Variants in TNFRSF10B observed in about 807,000 individuals in gnomAD.
TNFRSF10B encodes the protein tumor necrosis factor receptor superfamily member 10B.
In TNFRSF10B, 35 loss-of-function variants were observed where a neutral mutation model predicts 41.4. The ratio of observed to expected loss-of-function variants is 0.85; its 90% confidence interval spans 0.65 to 1.12. TNFRSF10B has a LOEUF of 1.12. TNFRSF10B is among the 50% of genes most tolerant of loss of function. TNFRSF10B has a pLI of 0.00. For missense variants in TNFRSF10B, 584 were observed against 552.7 expected (o/e 1.06, Z -0.57); for synonymous variants, 230 against 215.5 (o/e 1.07, Z -0.59).
intron 2 of TNFRSF10B, among the ~76,000 whole-genome samples, chr8:23,041,421 C>T (rs1003161615): frequency 1.3e-4 from 19 of 151,994 alleles, no homozygotes; most frequent in Admixed American, 1.1e-3. Flanking sequence ...AATCCCAACA[C>T]TTTGGAAGGC....
At chr8:23,046,699 C>T (rs1048214366) in intron 1 of TNFRSF10B, among the ~76,000 whole-genome samples, 12 of 149,596 alleles carry the variant, frequency 8.0e-5, no homozygotes, top group African/African-American at 2.9e-4. Context: ...TACCTGATTT[C>T]AAACTATACT....
intron 2 of TNFRSF10B, among the ~76,000 whole-genome samples, chr8:23,041,064 GT>G (rs1178967845): frequency 6.3e-4 from 7 of 11,070 alleles, no homozygotes; most frequent in Non-Finnish European, 8.4e-4. Flanking sequence ...TTTTTTTGTT[GT>G]TTTTTTTTTT....
chr8:23,064,083 C>T (rs1267325247), intron 1 of TNFRSF10B, among the ~76,000 whole-genome samples: 2 of 152,260 alleles, frequency 1.3e-5, no homozygotes, highest in Non-Finnish European at 2.9e-5. Flanking sequence ...ACGGCCCTTC[C>T]TTTCCTTAGC....
chr8:23,041,824 C>T (rs1318895623), intron 2 of TNFRSF10B, among the ~76,000 whole-genome samples: 1 of 152,110 alleles, frequency 6.6e-6, no homozygotes, highest in Non-Finnish European at 1.5e-5. Flanking sequence ...GGAAGTTCTC[C>T]AACTGCTCCT....
At position 23,020,449 on chromosome 8, in the gene TNFRSF10B, A is replaced by G. The variant is rs1400238447; in HGVS notation, c.*2222T>C. ...GGTGGCTCACGCCTGTAATCCCAGC[A>G]CTTTCGGAGGCCAAGGTGGATCACC... On this transcript the variant is annotated 3_prime_UTR_variant, in exon 9 of 9. Transcript: ENST00000276431. The G allele has an allele frequency of 2.2e-6, 1 of 454,004 alleles. No homozygotes were observed. The highest frequency in any genetic ancestry group is 4.4e-6 in the Non-Finnish European group (1 of 226,798). The allele number at this position is 454,004 out of a possible 1,614,324, so 28.1% of individuals were successfully genotyped here.
In TNFRSF10B at chr8:23,021,340, A is replaced by G. The variant is rs75721284; in HGVS notation, c.*1331T>C. On this transcript the variant is annotated 3_prime_UTR_variant, in exon 9 of 9. Coordinates refer to ENST00000276431, the MANE Select transcript of TNFRSF10B (RefSeq NM_003842.5). ...TCCTCAAGTAGGCAATCTGTACCCT[A>G]AAAGGCAGCTCATGGGCTCAGGGTG... 46 of 454,114 alleles carry G rather than the reference A, an allele frequency of 1.0e-4. No individual in the cohort carries two copies. The highest frequency in any genetic ancestry group is 6.2e-4 in the African/African-American group (31 of 50,130). The allele number at this position is 454,114 out of a possible 1,614,324, so 28.1% of individuals were successfully genotyped here. A position where few individuals can be genotyped will look rare whatever the true frequency, so the allele number is the denominator to read the frequency against.
chr8:23,052,926 A>T (rs1050434248), intron 1 of TNFRSF10B, among the ~76,000 whole-genome samples: 2 of 152,236 alleles, frequency 1.3e-5, no homozygotes, highest in Admixed American at 6.5e-5. Flanking sequence ...GAGAATTTAT[A>T]CAAGAAGGGC....
In TNFRSF10B at chr8:23,043,122, C is replaced by A. The variant is rs753012486; in HGVS notation, c.250+16G>T. The A allele has an allele frequency of 6.2e-7, 1 of 1,609,662 alleles. No individual in the cohort carries two copies. Among genetic ancestry groups the A allele is most frequent in the Middle Eastern group, 1.7e-4 (1 of 6,054 alleles). Reference sequence around the variant, plus strand: ...GGGGAGGAGGGGCAAGGATTAGAGACCCATCTTGAACATACCAGGTGGACA... The same window carrying A: ...GGGGAGGAGGGGCAAGGATTAGAGAACCATCTTGAACATACCAGGTGGACA... On this transcript the variant is annotated intron_variant, in intron 2 of 8. Coordinates refer to ENST00000276431, the MANE Select transcript of TNFRSF10B (RefSeq NM_003842.5).
chr8:23,029,154 T>C (rs1437751396), intron 4 of TNFRSF10B, among the ~76,000 whole-genome samples: 1 of 152,140 alleles, frequency 6.6e-6, no homozygotes, highest in Non-Finnish European at 1.5e-5. Context: ...TCATGGGAAC[T>C]TGAAGGAGCT....
At chr8:23,043,281 C>G in intron 1 of TNFRSF10B, 38 bp from the exon 2 acceptor site, 1 of 1,540,426 alleles carries the variant, frequency 6.5e-7, no homozygotes, top group Non-Finnish European at 9.0e-7. Flanking sequence ...GAGTGGCTTC[C>G]AGACCTCACC....
At chr8:23,023,382 G>A (rs1164340238) in intron 8 of TNFRSF10B, among the ~76,000 whole-genome samples, 1 of 152,188 alleles carries the variant, frequency 6.6e-6, no homozygotes, top group Non-Finnish European at 1.5e-5. Context: ...TCCCAGGGCG[G>A]CCACTTCTGC....
intron 2 of TNFRSF10B, among the ~76,000 whole-genome samples, chr8:23,038,542 G>A (rs1364932863): frequency 6.6e-6 from 1 of 152,134 alleles, no homozygotes; most frequent in African/African-American, 2.4e-5. Flanking sequence ...CCCTTGTTAT[G>A]TAACACAAGA....
At position 23,060,151 on chromosome 8, in the gene TNFRSF10B, C is replaced by T. The variant is rs188130935; in HGVS notation, c.144+8600G>A. Among the ~76,000 whole-genome samples the T allele has an allele frequency of 3.1e-3, 461 of 149,824 alleles. 1 individual carries two copies. Among genetic ancestry groups the T allele is most frequent in the Middle Eastern group, 0.014 (4 of 292 alleles). ...AAGAGTTACTGATTTTCAAGAAGTC[C>T]AAAATGTTTATTTTTTCTTTTGTTG... On this transcript the variant is annotated intron_variant, in intron 1 of 8. Coordinates refer to ENST00000276431, the MANE Select transcript of TNFRSF10B (RefSeq NM_003842.5).
rs1811530690 is a variant in TNFRSF10B at position 23,021,778 on chromosome 8, A to C, written c.*893T>G. On this transcript the variant is annotated 3_prime_UTR_variant, in exon 9 of 9. Coordinates refer to ENST00000276431, the MANE Select transcript of TNFRSF10B (RefSeq NM_003842.5). ...CCCTGTAGAAGTTGCCAATCATTGA[A>C]GCCAAAGTACATCTGAGGGAGGGCT... 2.2e-6 allele frequency: 1 copy of C among 454,018 alleles called. No individual in the cohort carries two copies. The highest frequency in any genetic ancestry group is 2.4e-5 in the Admixed American group (1 of 42,552). 28.1% of individuals were successfully genotyped at this position (454,018 alleles called of 1,614,324 possible).
chr8:23,038,287 A>C (rs1342652759), intron 2 of TNFRSF10B, among the ~76,000 whole-genome samples: 1 of 152,200 alleles, frequency 6.6e-6, no homozygotes, highest in Non-Finnish European at 1.5e-5. Flanking sequence ...ACCCTTCAGG[A>C]ATAAAGGTTA....
At chr8:23,027,507 G>C in intron 6 of TNFRSF10B, 1 of 776,598 alleles carries the variant, frequency 1.3e-6, no homozygotes, top group Non-Finnish European at 2.1e-6. Flanking sequence ...GCAGGCTGTG[G>C]GGTGAGGATG....
intron 2 of TNFRSF10B, among the ~76,000 whole-genome samples, chr8:23,033,548 A>G (rs151142883): frequency 1.8e-4 from 24 of 134,590 alleles, no homozygotes; most frequent in Admixed American, 3.3e-4. Flanking sequence ...AGATTACGCC[A>G]CTGCACTCCA....
chr8:23,020,610 T>G lies in TNFRSF10B; in HGVS notation c.*2061A>C, dbSNP rs1049244042. 2.2e-6 allele frequency: 1 copy of G among 451,276 alleles called. No homozygotes were observed. The highest frequency in any genetic ancestry group is 4.4e-6 in the Non-Finnish European group (1 of 224,754). 28.0% of individuals were successfully genotyped at this position (451,276 alleles called of 1,614,324 possible). A position where few individuals can be genotyped will look rare whatever the true frequency, so the allele number is the denominator to read the frequency against. ...CGGAGGCTGAGGCACGAGAATCGCTTGAACCCAGGAGGCGGAGGTTGCACT... is the reference window on the plus strand; with the variant it reads ...CGGAGGCTGAGGCACGAGAATCGCTGGAACCCAGGAGGCGGAGGTTGCACT... On this transcript the variant is annotated 3_prime_UTR_variant, in exon 9 of 9. Transcript: ENST00000276431.
intron 7 of TNFRSF10B, among the ~76,000 whole-genome samples, chr8:23,025,939 G>A (rs780755523): frequency 5.3e-5 from 8 of 152,144 alleles, no homozygotes; most frequent in South Asian, 2.1e-4. Flanking sequence ...AGCTGGGCAC[G>A]GTGGCACATG....
Sources: allele counts gnomAD v4.1 joint callset (sites outside exome capture counted in the v4.1 genomes callset), GRCh38; gene constraint gnomAD v4.1.1; transcripts MANE v1.5; gene names NCBI Gene and HGNC (gene_info 2026-07-23, HGNC 2026-07-21).